RIN2: variants seen among roughly 807,000 people sequenced by gnomAD.
RIN2 encodes Ras and Rab interactor 2, also known as RAB5 interacting protein 2.
RIN2 carries 36 observed loss-of-function variants against 78.0 expected under a neutral mutation model. That is an observed-to-expected ratio of 0.46 (90% confidence interval 0.35 to 0.61). The LOEUF (loss-of-function observed/expected upper bound fraction) is 0.61, where lower values mean the gene tolerates loss of function less well. Ranked by LOEUF, RIN2 falls within the 20% of genes least tolerant of loss-of-function variation. RIN2 has a pLI of 0.00. For synonymous variants in RIN2, 466 were observed against 466.8 expected (o/e 1.00, Z 0.02); for missense variants, 1,087 against 1,159.7 (o/e 0.94, Z 0.91).
intron 2 of RIN2, among the ~76,000 whole-genome samples, chr20:19,866,060 T>C (rs976951276): frequency 6.6e-5 from 10 of 152,074 alleles, no homozygotes; most frequent in African/African-American, 2.4e-4. Flanking sequence ...ACAAGTCACC[T>C]TAATGTAGAA....
intron 4 of RIN2, among the ~76,000 whole-genome samples, chr20:19,948,606 G>C: frequency 6.6e-6 from 1 of 151,998 alleles, no homozygotes. Flanking sequence ...TGTTGGCCAG[G>C]CTGGTGGAAA....
intron 3 of RIN2, among the ~76,000 whole-genome samples, chr20:19,900,570 C>T (rs759560565): frequency 2.6e-5 from 4 of 151,958 alleles, no homozygotes; most frequent in Admixed American, 6.6e-5. Context: ...GGGAGGATCA[C>T]TTGAGCCCAG....
intron 1 of RIN2, among the ~76,000 whole-genome samples, chr20:19,771,600 AG>A (rs2034126550): frequency 6.6e-6 from 1 of 152,126 alleles, no homozygotes; most frequent in African/African-American, 2.4e-5. Flanking sequence ...CCCTTTCCGT[AG>A]TCCATCCACA....
intron 2 of RIN2, among the ~76,000 whole-genome samples, chr20:19,829,330 G>A (rs546002950): frequency 2.0e-5 from 3 of 152,184 alleles, no homozygotes; most frequent in East Asian, 1.9e-4. Flanking sequence ...GACTTTGGGG[G>A]CATGATAGGA....
At chr20:19,953,236 T>G (rs956498750) in intron 4 of RIN2, among the ~76,000 whole-genome samples, 10 of 152,052 alleles carry the variant, frequency 6.6e-5, no homozygotes, top group Non-Finnish European at 1.5e-4. Flanking sequence ...CCTCCCATGT[T>G]CAAGGCTGCC....
chr20:19,777,491 A>G (rs766083778), intron 1 of RIN2, among the ~76,000 whole-genome samples: 1 of 152,202 alleles, frequency 6.6e-6, no homozygotes, highest in Non-Finnish European at 1.5e-5. Context: ...AAACTGACCC[A>G]TGGGATTTAA....
intron 1 of RIN2, among the ~76,000 whole-genome samples, chr20:19,783,138 G>A (rs2034564188): frequency 6.6e-6 from 1 of 152,236 alleles, no homozygotes; most frequent in Non-Finnish European, 1.5e-5. Context: ...GTGGTAGTGT[G>A]TTGCTGTATC....
intron 2 of RIN2, among the ~76,000 whole-genome samples, chr20:19,848,170 C>T (rs1048310053): frequency 2.6e-5 from 4 of 152,048 alleles, no homozygotes; most frequent in African/African-American, 7.2e-5. Context: ...GAAAATCCAT[C>T]GAGCTACAGT....
chr20:19,934,823 C>A (rs763807767), intron 3 of RIN2, among the ~76,000 whole-genome samples: 17 of 151,954 alleles, frequency 1.1e-4, no homozygotes, highest in Non-Finnish European at 1.9e-4. Flanking sequence ...TTCCTTATTA[C>A]AATACTGAAA....
chr20:19,855,648 C>T (rs982150445), intron 2 of RIN2, among the ~76,000 whole-genome samples: 2 of 152,272 alleles, frequency 1.3e-5, no homozygotes, highest in East Asian at 3.9e-4. Context: ...TTCCATCAAC[C>T]AACCATTTAA....
intron 1 of RIN2, among the ~76,000 whole-genome samples, chr20:19,760,958 G>T (rs925841335): frequency 1.3e-5 from 2 of 152,130 alleles, no homozygotes; most frequent in African/African-American, 4.8e-5. Flanking sequence ...GCTTCCCAGG[G>T]TCCAAAACCA....
At chr20:19,763,727 A>G (rs6112562) in intron 1 of RIN2, among the ~76,000 whole-genome samples, 5,443 of 152,304 alleles carry the variant, frequency 0.036, 141 homozygotes, top group Middle Eastern at 0.088. Context: ...CTTTGGTTGT[A>G]AGAACCTCCA....
intron 3 of RIN2, among the ~76,000 whole-genome samples, chr20:19,912,905 A>G (rs1198674335): frequency 1.3e-5 from 2 of 152,226 alleles, no homozygotes; most frequent in Non-Finnish European, 2.9e-5. Context: ...AGGAAGCTGC[A>G]TGTTGTCCAC....
chr20:19,800,498 G>T (rs1158328010), intron 2 of RIN2, among the ~76,000 whole-genome samples: 1 of 152,218 alleles, frequency 6.6e-6, no homozygotes, highest in Admixed American at 6.5e-5. Context: ...TAGCAAAGGT[G>T]ACGGGGCTTC....
chr20:19,913,873 T>C (rs1299626647), intron 3 of RIN2, among the ~76,000 whole-genome samples: 1 of 152,230 alleles, frequency 6.6e-6, no homozygotes, highest in African/African-American at 2.4e-5. Flanking sequence ...CTGTGGGAAA[T>C]AATGCTGCTA....
At chr20:19,960,457 T>C (rs752148899) in intron 5 of RIN2, among the ~76,000 whole-genome samples, 4 of 152,172 alleles carry the variant, frequency 2.6e-5, no homozygotes, top group Non-Finnish European at 5.9e-5. Flanking sequence ...CTAGGGGAGT[T>C]CTTAGCCCCA....
Position 19,856,513 on chromosome 20 carries a change from A to T in RIN2, c.-36-33053A>T, listed in dbSNP as rs1172857369. ...ATGTCACTGTACTCCAGGCTGGGAG[A>T]GAGAGTGAGACTTTGTCTCAGAAAA... On this transcript the variant is annotated intron_variant, in intron 2 of 12. Transcript: ENST00000255006. Among the ~76,000 whole-genome samples the T allele has an allele frequency of 1.4e-4, 20 of 144,586 alleles. No homozygotes were observed. The Admixed American group carries it at 1.4e-3, about 10-fold the overall frequency. The allele number at this position is 144,586 out of a possible 152,430, so 94.9% of individuals were successfully genotyped here.
At chr20:19,824,960 G>A (rs1414572863) in intron 2 of RIN2, among the ~76,000 whole-genome samples, 4 of 152,216 alleles carry the variant, frequency 2.6e-5, no homozygotes, top group East Asian at 1.9e-4. Flanking sequence ...AGGCCTGCTC[G>A]AGGCCACGAG....
chr20:19,842,180 G>A (rs2036596529), intron 2 of RIN2, among the ~76,000 whole-genome samples: 1 of 150,970 alleles, frequency 6.6e-6, no homozygotes, highest in Non-Finnish European at 1.5e-5. Flanking sequence ...AAGCCTGTAT[G>A]ACAGCACATC....
Sources: gnomAD v4.1 joint callset for allele counts (sites outside exome capture counted in the v4.1 genomes callset) on GRCh38, gnomAD v4.1.1 for gene constraint, MANE v1.5 for transcripts, NCBI Gene and HGNC (gene_info 2026-07-23, HGNC 2026-07-21) for gene names.